The following INO80D variants were observed in gnomAD, a reference collection of about 807,000 sequenced individuals.
The protein encoded by INO80D is INO80 complex subunit D.
Under a neutral mutation model 87.6 loss-of-function variants are expected in INO80D, and 21 were observed. That is an observed-to-expected ratio of 0.24 (90% confidence interval 0.17 to 0.35). INO80D has a LOEUF of 0.35. Ranked by LOEUF, INO80D falls within the 10% of genes least tolerant of loss-of-function variation. The probability of loss-of-function intolerance (pLI) is 1.00; values close to 1 mark genes in which losing one functional copy is unlikely to be tolerated. For synonymous variants in INO80D, 440 were observed against 491.0 expected, an observed-to-expected ratio of 0.90 and a Z score of 1.37; for missense variants, 982 against 1,280.7, an observed-to-expected ratio of 0.77 and a Z score of 3.56.
intron 4 of INO80D, among the ~76,000 whole-genome samples, chr2:206,053,842 ATTT>A (rs199765299): frequency 6.8e-6 from 1 of 146,992 alleles, no homozygotes; most frequent in Admixed American, 6.8e-5. Flanking sequence ...AAGATACAGA[ATTT>A]TTTTTTTTTT....
chr2:206,051,645 ATTCT>A (rs1390611136), intron 4 of INO80D, among the ~76,000 whole-genome samples: 3 of 152,096 alleles, frequency 2.0e-5, no homozygotes, highest in Admixed American at 6.6e-5. Flanking sequence ...TCAACACTAT[ATTCT>A]TTCTAAGAAG....
chr2:206,014,817 C>G (rs556628382), intron 8 of INO80D, among the ~76,000 whole-genome samples: 1 of 152,054 alleles, frequency 6.6e-6, no homozygotes, highest in Non-Finnish European at 1.5e-5. Context: ...CAGAAGAAGA[C>G]AGAAAAATGT....
chr2:206,060,096 T>C (rs1167137771), intron 3 of INO80D, among the ~76,000 whole-genome samples: 2 of 151,946 alleles, frequency 1.3e-5, no homozygotes, highest in Non-Finnish European at 2.9e-5. Context: ...TCCTAGTTAC[T>C]CGGGAGACTG....
intron 1 of INO80D, among the ~76,000 whole-genome samples, chr2:206,069,974 T>A (rs1689917481): frequency 6.6e-6 from 1 of 152,172 alleles, no homozygotes; most frequent in Non-Finnish European, 1.5e-5. Flanking sequence ...ACGATTTTTC[T>A]ATTTGAAAAC....
Position 205,994,854 on chromosome 2 carries a change from C to A in INO80D, c.*9514G>T. ...GAATAAGAATTAAATCTATTTCAAG[C>A]ACATGCAACTTGGAACTCGCAAAAA... On this transcript the variant is annotated 3_prime_UTR_variant, in exon 11 of 11. Transcript: ENST00000403263. 1 of 142,682 alleles carries A rather than the reference C, an allele frequency of 7.0e-6. No homozygotes were observed. Among genetic ancestry groups the A allele is most frequent in the East Asian group, 2.0e-4 (1 of 4,916 alleles). The allele number at this position is 142,682 out of a possible 1,614,324, so 8.8% of individuals were successfully genotyped here.
At chr2:206,043,770 A>AG (rs71035435) in intron 5 of INO80D, among the ~76,000 whole-genome samples, 152,255 of 152,258 alleles carry the variant, frequency 1, 76,126 homozygotes, top group Middle Eastern at 1. Context: ...TACAGGCGTG[A>AG]CGACTGTGCC....
chr2:206,040,567 G>A (rs576771379), intron 5 of INO80D: 13 of 257,766 alleles, frequency 5.0e-5, no homozygotes, highest in African/African-American at 2.5e-4. Context: ...TCTCGTGGTT[G>A]GAATTGATCG....
At chr2:206,069,112 C>T (rs1402211793) in intron 1 of INO80D, among the ~76,000 whole-genome samples, 1 of 152,022 alleles carries the variant, frequency 6.6e-6, no homozygotes, top group Non-Finnish European at 1.5e-5. Flanking sequence ...TTAATTTAAT[C>T]TTTTCATTAT....
intron 5 of INO80D, among the ~76,000 whole-genome samples, chr2:206,038,603 G>A (rs1415909548): frequency 1.3e-5 from 2 of 152,172 alleles, no homozygotes; most frequent in African/African-American, 4.8e-5. Flanking sequence ...AGACCGAGGT[G>A]GGAGGATAGC....
chr2:206,076,878 A>T (rs1231663700), intron 1 of INO80D, among the ~76,000 whole-genome samples: 1 of 152,210 alleles, frequency 6.6e-6, no homozygotes, highest in Non-Finnish European at 1.5e-5. Context: ...TCATCTGTAA[A>T]GGGAAGATTG....
At chr2:206,025,148 A>T (rs1167883799) in intron 6 of INO80D, among the ~76,000 whole-genome samples, 1 of 152,104 alleles carries the variant, frequency 6.6e-6, no homozygotes, top group Non-Finnish European at 1.5e-5. Context: ...TTTTCATTTT[A>T]TCAATAATCC....
intron 5 of INO80D, among the ~76,000 whole-genome samples, chr2:206,034,362 G>A (rs958913667): frequency 1.1e-4 from 17 of 152,040 alleles, no homozygotes; most frequent in African/African-American, 1.7e-4. Context: ...TTACCTAACC[G>A]AATCCAACAA....
chr2:206,074,014 C>T (rs907833404), intron 1 of INO80D, among the ~76,000 whole-genome samples: 4 of 152,020 alleles, frequency 2.6e-5, no homozygotes, highest in African/African-American at 9.7e-5. Flanking sequence ...CAGCCAAACT[C>T]TACTTTTTAA....
chr2:206,046,467 C>CG (rs1689196353), intron 5 of INO80D, 37 bp downstream of exon 5: 1 of 1,108,316 alleles, frequency 9.0e-7, no homozygotes, highest in East Asian at 2.8e-5. Context: ...GACTCCGTCT[C>CG]AAAAAAAAAA....
In INO80D at chr2:206,009,727, T is replaced by C; in HGVS notation, c.1610A>G (p.Lys537Arg). The change falls in exon 9 of 11, where the codon AAA (lysine) becomes AGA (arginine). Residue 537 changes from lysine (K) to arginine (R), a missense_variant. Transcript: ENST00000403263. ...QHQQQRKPRKKTKPPALTKKH... is the reference protein window; with the variant it reads ...QHQQQRKPRKRTKPPALTKKH... ...TTTGGTTAGTGCAGGAGGCTTGGTT[T>C]TTTTCCTGGGTTTCCTCTGCTGCTG... 6.2e-7 allele frequency: 1 copy of C among 1,613,918 alleles called. No individual in the cohort carries two copies. The highest frequency in any genetic ancestry group is 8.5e-7 in the Non-Finnish European group (1 of 1,179,862).
intron 1 of INO80D, among the ~76,000 whole-genome samples, chr2:206,074,430 A>G (rs1003687717): frequency 1.3e-5 from 2 of 152,190 alleles, no homozygotes; most frequent in African/African-American, 4.8e-5. Context: ...CCTGGCCAAC[A>G]TGTTGAAACC....
chr2:206,068,077 G>A (rs528338590), intron 1 of INO80D, among the ~76,000 whole-genome samples: 43 of 152,174 alleles, frequency 2.8e-4, no homozygotes, highest in African/African-American at 9.1e-4. Flanking sequence ...CAACTTTTGA[G>A]GCACTGTGTT....
In INO80D at chr2:206,012,438, C is replaced by A. The variant is rs1243813300; in HGVS notation, c.1543-2644G>T. ...TGGCTGCTATGTAAACAACATACCC[C>A]CTATGGCAGGGGGATATGGCAAGAA... On this transcript the variant is annotated intron_variant, in intron 8 of 10. Coordinates refer to ENST00000403263, the MANE Select transcript of INO80D (RefSeq NM_017759.5). 3.9e-5 allele frequency among the ~76,000 whole-genome samples: 6 copies of A among 152,226 alleles called. No individual in the cohort carries two copies. The South Asian group carries it at 1.0e-3, about 26-fold the overall frequency.
At chr2:206,084,273 A>ACACACACC (rs1553623578) in intron 1 of INO80D, among the ~76,000 whole-genome samples, 88 of 144,500 alleles carry the variant, frequency 6.1e-4, no homozygotes, top group African/African-American at 2.1e-3. Flanking sequence ...ACACACACAC[A>ACACACACC]CCCCAAAACC....
Sources: allele counts gnomAD v4.1 joint callset (sites outside exome capture counted in the v4.1 genomes callset), GRCh38; gene constraint gnomAD v4.1.1; transcripts MANE v1.5; gene names NCBI Gene and HGNC (gene_info 2026-07-23, HGNC 2026-07-21).